TPSG1: variants seen among roughly 807,000 people sequenced by gnomAD.
TPSG1 encodes the protein tryptase gamma 1.
TPSG1 carries 43 observed loss-of-function variants against 23.8 expected under a neutral mutation model. That is an observed-to-expected ratio of 1.81 (90% CI 1.42 to 2.33). TPSG1 has a LOEUF of 2.33. TPSG1 is among the 30% of genes most tolerant of loss of function. The pLI is 0.00. For missense variants in TPSG1, 623 were observed against 438.6 expected (o/e 1.42, Z -3.75); for synonymous variants, 302 against 201.3 (o/e 1.50, Z -4.23).
Position 1,222,181 on chromosome 16 carries a change from GCCTGGCAGGCTCA to G in TPSG1, c.657+2_657+14del, listed in dbSNP as rs752824106. 4.3e-5 allele frequency: 69 copies of G among 1,611,292 alleles called. No individual in the cohort carries two copies. In the Admixed American group the frequency reaches 5.3e-4, roughly 12 times the overall value. The stretch of plus-strand genomic sequence containing the variant: ...TCAGCCGCCCCCATCCTCTGTCACG[GCCTGGCAGGCTCA>G]CCTGGCAGGCATCCCCGGGGCCCCG... On this transcript the variant is annotated splice_donor_variant and splice_donor_5th_base_variant and intron_variant, in intron 5 of 5. Transcript: ENST00000234798. LOFTEE classifies it high-confidence loss of function.
rs1489186483 is a variant in TPSG1 at position 1,222,287 on chromosome 16, G to C, written c.566C>G (p.Thr189Arg). ...GGGATAGTCCCGGCGGCAGGTCTCT[G>C]TGTCCACCACGGAGACTTTCACCTC... ...LREVKVSVVD[T>R]ETCRRDYPGP... The change falls in exon 5 of 6, where the codon ACA (threonine) becomes AGA (arginine). Residue 189 changes from threonine (T) to arginine (R), a missense_variant. Coordinates refer to ENST00000234798, the MANE Select transcript of TPSG1 (RefSeq NM_012467.4). 7.4e-6 allele frequency: 12 copies of C among 1,611,522 alleles called. No individual in the cohort carries two copies. Among genetic ancestry groups the C allele is most frequent in the African/African-American group, 1.3e-5 (1 of 74,820 alleles).
intron 2 of TPSG1, chr16:1,224,058 T>C: frequency 5.0e-6 from 1 of 198,548 alleles, no homozygotes; most frequent in Non-Finnish European, 1.0e-5. Flanking sequence ...ATTGGACGCT[T>C]GATAATGTAA....
rs759992926 is a variant in TPSG1 at position 1,225,246 on chromosome 16, G to A, written c.7C>T (p.Leu3Phe). 5.7e-6 allele frequency: 9 copies of A among 1,573,450 alleles called. No individual in the cohort carries two copies. Among genetic ancestry groups the A allele is most frequent in the Non-Finnish European group, 8.6e-7 (1 of 1,159,738 alleles). ...AGCAGCAGGAGGCCACAGGCCCCAA[G>A]GGCCATGGTGTCTGCCCACTGTAGG... MA[L>F]GACGLLLLLA... Residue 3 changes from leucine to phenylalanine, a missense_variant, in exon 1 of 6, where the codon CTT becomes TTT. Leu to Phe is a conservative substitution (Grantham distance 22). Coordinates refer to ENST00000234798, the MANE Select transcript of TPSG1 (RefSeq NM_012467.4).
rs143608316 is a variant in TPSG1, at chr16:1,222,901, C to T, written c.262G>A (p.Asp88Asn). Residue 88 changes from aspartate to asparagine, a missense_variant, in exon 4 of 6, where the codon GAC becomes AAC. By Grantham distance (23) the Asp-to-Asn change is conservative (BLOSUM62 1). Coordinates refer to ENST00000234798, the MANE Select transcript of TPSG1 (RefSeq NM_012467.4). ...AGTTCCCCCAGGTGCACCTGGTAGT[C>T]GGATGAGTTCAGGGACCTGGGAGGG... is the stretch of plus-strand genomic sequence containing the variant. ...HCFSGSLNSS[D>N]YQVHLGELEI... 5.0e-4 allele frequency: 799 copies of T among 1,606,794 alleles called. 2 individuals carry two copies. The Middle Eastern group carries it at 5.2e-3, about 10-fold the overall frequency.
chr16:1,224,542 G>T lies in TPSG1; in HGVS notation c.73+60C>A, dbSNP rs2030044010. 1.5e-5 allele frequency: 24 copies of T among 1,606,564 alleles called. No individual in the cohort carries two copies. The South Asian group carries it at 2.6e-4, about 18-fold the overall frequency. ...CCCAGGGAAGGAGAGGGTCACCGAG[G>T]CCCTCCTGCCAGGCCTTGCCTGCAC... On this transcript the variant is annotated intron_variant, in intron 2 of 5. Coordinates refer to ENST00000234798, the MANE Select transcript of TPSG1 (RefSeq NM_012467.4).
chr16:1,223,475 C>T lies in TPSG1; in HGVS notation c.193G>A (p.Gly65Arg), dbSNP rs754737824. ...LRLRRVHVCG[G>R]SLLSPQWVLT... ...ACCCACTGGGGGCTGAGCAGTGACC[C>T]GCCGCACACGTGCACCCTCCGCAGG... The change falls in exon 3 of 6, where the codon GGG becomes AGG. Residue 65 changes from glycine (G) to arginine (R), a missense_variant. Physicochemically the swap from Gly to Arg is moderately radical, Grantham distance 125. Transcript: ENST00000234798. 8.2e-6 allele frequency: 13 copies of T among 1,586,042 alleles called. No individual in the cohort carries two copies. The highest frequency in any genetic ancestry group is 3.5e-5 in the Admixed American group (2 of 56,582).
chr16:1,223,387 G>T, intron 3 of TPSG1, 36 bp downstream of exon 3: 1 of 1,545,286 alleles, frequency 6.5e-7, no homozygotes, highest in Non-Finnish European at 8.7e-7. Flanking sequence ...CTGGGGCCTG[G>T]ACATTGAGAC....
intron 2 of TPSG1, among the ~76,000 whole-genome samples, chr16:1,224,351 G>A (rs2030030620): frequency 6.6e-6 from 1 of 152,110 alleles, no homozygotes; most frequent in African/African-American, 2.4e-5. Context: ...GTTCGAGGAG[G>A]GCCAGGTTGT....
intron 2 of TPSG1, 42 bp downstream of exon 2, chr16:1,224,559 TG>T: frequency 6.2e-7 from 1 of 1,612,610 alleles, no homozygotes. Flanking sequence ...TGCCAGGCCT[TG>T]CCTGCACCCT....
chr16:1,224,241 T>G, intron 2 of TPSG1: 2 of 262,036 alleles, frequency 7.6e-6, no homozygotes, highest in Non-Finnish European at 7.3e-6. Flanking sequence ...ACAGAGATGT[T>G]TATAGATAGG....
rs757109656 is a variant in TPSG1, at chr16:1,225,230, A to C, written c.23T>G (p.Leu8Arg). The C allele has an allele frequency of 1.3e-6, 2 of 1,578,358 alleles. No homozygotes were observed. Among genetic ancestry groups the C allele is most frequent in the Admixed American group, 1.8e-5 (1 of 54,814 alleles). The change falls in exon 1 of 6, where the codon CTC becomes CGC. Residue 8 changes from leucine (L) to arginine (R), a missense_variant. Transcript: ENST00000234798. ...ACCGGGCACAGCCAGGAGCAGCAGGAGGCCACAGGCCCCAAGGGCCATGGT... is the reference window on the plus strand; with the variant it reads ...ACCGGGCACAGCCAGGAGCAGCAGGCGGCCACAGGCCCCAAGGGCCATGGT... MALGACG[L>R]LLLLAVPGVS...
chr16:1,223,958 T>G, intron 2 of TPSG1: 3 of 279,232 alleles, frequency 1.1e-5, no homozygotes, highest in African/African-American at 2.3e-5. Flanking sequence ...GCCCCGGTTT[T>G]CCTTCAGGGG....
chr16:1,223,507 C>G lies in TPSG1; in HGVS notation c.161G>C (p.Ser54Thr), dbSNP rs559228599. The G allele has an allele frequency of 5.7e-6, 9 of 1,566,892 alleles. No individual in the cohort carries two copies. In the East Asian group the frequency reaches 1.6e-4, roughly 29 times the overall value. Residue 54 changes from serine (S) to threonine (T), a missense_variant, in exon 3 of 6, where the codon AGC becomes ACC. By Grantham distance (58) the Ser-to-Thr change is moderately conservative. Coordinates refer to ENST00000234798, the MANE Select transcript of TPSG1 (RefSeq NM_012467.4). ...CACGTGCACCCTCCGCAGGCGGAGGCTGGCCTGCCATGGCCATGCGCCGGC... is the reference window on the plus strand; with the variant it reads ...CACGTGCACCCTCCGCAGGCGGAGGGTGGCCTGCCATGGCCATGCGCCGGC... ...APAGAWPWQA[S>T]LRLRRVHVCG... is the part of the protein sequence containing the mutation.
Position 1,223,563 on chromosome 16 carries a change from G to A in TPSG1, c.105C>T (p.Gly35=), listed in dbSNP as rs1019285467. 7.8e-6 allele frequency: 12 copies of A among 1,544,004 alleles called. No homozygotes were observed. Among genetic ancestry groups the A allele is most frequent in the Middle Eastern group, 1.7e-4 (1 of 5,916 alleles). Residue 35 remains glycine, a synonymous_variant, in exon 3 of 6, where the codon GGC becomes GGT. Transcript: ENST00000234798. ...CAGCGTGACCCCCCACGATCCGGCC[G>A]CCTGCATCCGAAACCTGCGGCCGGC... ...GCGRPQVSDA[G]GRIVGGHAAP... is the part of the protein sequence containing the mutation.
At position 1,222,253 on chromosome 16, in the gene TPSG1, C is replaced by T. The variant is rs1422432740; in HGVS notation, c.600G>A (p.Gly200=). 7 of 1,612,070 alleles carry T rather than the reference C, an allele frequency of 4.3e-6. No individual in the cohort carries two copies. The African/African-American group carries it at 5.3e-5, about 12-fold the overall frequency. Residue 200 remains glycine (G), a synonymous_variant, in exon 5 of 6, where the codon GGG becomes GGA. Coordinates refer to ENST00000234798, the MANE Select transcript of TPSG1 (RefSeq NM_012467.4). ...GCATGTCGGGCTGAAGGATGCTGCC[C>T]CCGGGGCCGGGATAGTCCCGGCGGC... The part of the protein sequence containing the change: ...ETCRRDYPGP[G]GSILQPDMLC...
intron 2 of TPSG1, chr16:1,224,275 G>A (rs920917122): frequency 6.0e-5 from 19 of 316,700 alleles, no homozygotes; most frequent in Admixed American, 1.9e-4. Flanking sequence ...GTGGGGCACC[G>A]GCTCTCCCAC....
At position 1,223,553 on chromosome 16, in the gene TPSG1, C is replaced by T. The variant is rs1334300624; in HGVS notation, c.115G>A (p.Val39Met). 7.1e-6 allele frequency: 11 copies of T among 1,546,016 alleles called. No individual in the cohort carries two copies. In the East Asian group the frequency reaches 7.3e-5, roughly 10 times the overall value. ...CCGGCCGGGGCAGCGTGACCCCCCA[C>T]GATCCGGCCGCCTGCATCCGAAACC... ...PQVSDAGGRI[V>M]GGHAAPAGAW... Residue 39 changes from valine to methionine, a missense_variant, in exon 3 of 6, where the codon GTG becomes ATG. Transcript: ENST00000234798.
In TPSG1 at chr16:1,222,697, C is replaced by G. The variant is rs563804486; in HGVS notation, c.466G>C (p.Gly156Arg). 2 of 1,594,664 alleles carry G rather than the reference C, an allele frequency of 1.3e-6. No individual in the cohort carries two copies. The highest frequency in any genetic ancestry group is 4.5e-5 in the East Asian group (2 of 44,320). Residue 156 changes from glycine (G) to arginine (R), a missense_variant, in exon 4 of 6, where the codon GGG (glycine) becomes CGG (arginine). Transcript: ENST00000234798. ...CAGCCGGTCACCCAGCACCGGATCC[C>G]AGGGCAGAAGTCATCTGAGGCCTCC... Reference protein sequence around the residue: ...LPEASDDFCPGIRCWVTGWGY... With the variant: ...LPEASDDFCPRIRCWVTGWGY...
At chr16:1,224,775 A>G (rs1009716405) in intron 1 of TPSG1, 147 bp from the exon 2 acceptor site, 8 of 943,794 alleles carry the variant, frequency 8.5e-6, no homozygotes, top group South Asian at 4.8e-5. Context: ...GGCTGGGTCA[A>G]CTGCTGTCTC....
Sources: allele counts gnomAD v4.1 joint callset (sites outside exome capture counted in the v4.1 genomes callset), GRCh38; gene constraint gnomAD v4.1.1; transcripts MANE v1.5; gene names NCBI Gene and HGNC (gene_info 2026-07-23, HGNC 2026-07-21).